The following CYRIA variants were observed in gnomAD, a reference collection of about 807,000 sequenced individuals.
The protein encoded by CYRIA is CYFIP related Rac1 interactor A, also known as CYFIP-related Rac1 interactor A.
In CYRIA, 15 loss-of-function variants were observed where a neutral mutation model predicts 43.9. The ratio of observed to expected loss-of-function variants is 0.34; its 90% CI spans 0.23 to 0.53. The LOEUF is 0.53. CYRIA is among the 20% of genes least tolerant of loss of function. CYRIA has a pLI of 0.94. For synonymous variants in CYRIA, 117 were observed against 136.0 expected (o/e 0.86, Z 0.97); for missense variants, 236 against 394.2 (o/e 0.60, Z 3.40).
intron 2 of CYRIA, among the ~76,000 whole-genome samples, chr2:16,609,755 C>T (rs1260221324): frequency 6.6e-6 from 1 of 152,076 alleles, no homozygotes; most frequent in Non-Finnish European, 1.5e-5. Flanking sequence ...TCTTCCATGA[C>T]TCCCCTGTCA....
intron 2 of CYRIA, among the ~76,000 whole-genome samples, chr2:16,622,037 G>A (rs768060066): frequency 4.6e-5 from 7 of 152,112 alleles, no homozygotes; most frequent in Non-Finnish European, 1.0e-4. Context: ...GGATGACTGG[G>A]TGAATGACTG....
intron 2 of CYRIA, among the ~76,000 whole-genome samples, chr2:16,620,756 C>T (rs1668964623): frequency 6.6e-6 from 1 of 152,200 alleles, no homozygotes; most frequent in South Asian, 2.1e-4. Flanking sequence ...AGACTCACCT[C>T]TCCACATTCC....
At chr2:16,618,800 T>G (rs1447664153) in intron 2 of CYRIA, among the ~76,000 whole-genome samples, 3 of 152,186 alleles carry the variant, frequency 2.0e-5, no homozygotes, top group African/African-American at 4.8e-5. Context: ...AAGGGAAAGA[T>G]GTAGCTTTCC....
chr2:16,606,126 G>C (rs1668388198), intron 2 of CYRIA, among the ~76,000 whole-genome samples: 1 of 152,162 alleles, frequency 6.6e-6, no homozygotes, highest in South Asian at 2.1e-4. Context: ...ATCAATCCAA[G>C]TGAATGTCCC....
At chr2:16,557,086 T>A (rs1399057985) in intron 10 of CYRIA, among the ~76,000 whole-genome samples, 1 of 152,108 alleles carries the variant, frequency 6.6e-6, no homozygotes, top group East Asian at 1.9e-4. Context: ...ATTGGGTCAT[T>A]TCAAAAGATT....
chr2:16,575,416 G>A (rs1043745610), intron 3 of CYRIA, among the ~76,000 whole-genome samples: 6 of 152,080 alleles, frequency 3.9e-5, no homozygotes, highest in Admixed American at 6.5e-5. Context: ...AATATGATTT[G>A]GCTGTGTCCC....
chr2:16,635,192 C>T (rs1558436888), intron 1 of CYRIA, among the ~76,000 whole-genome samples: 1 of 152,172 alleles, frequency 6.6e-6, no homozygotes. Context: ...AGGGATGCTG[C>T]CAAGCATCCT....
intron 3 of CYRIA, among the ~76,000 whole-genome samples, chr2:16,576,840 A>G (rs995269244): frequency 5.9e-5 from 9 of 152,230 alleles, no homozygotes; most frequent in Admixed American, 5.9e-4. Context: ...TCTTAAAAAA[A>G]GAAGGAAATC....
At chr2:16,591,542 T>G (rs998278497) in intron 2 of CYRIA, among the ~76,000 whole-genome samples, 5 of 152,108 alleles carry the variant, frequency 3.3e-5, no homozygotes, top group African/African-American at 4.8e-5. Context: ...GTCTCAGAGC[T>G]CCCATGGGCA....
At chr2:16,579,283 C>A (rs957114340) in intron 3 of CYRIA, among the ~76,000 whole-genome samples, 1 of 150,176 alleles carries the variant, frequency 6.7e-6, no homozygotes, top group African/African-American at 2.5e-5. Context: ...CTAAAAGAAA[C>A]ATTAAAATAA....
intron 1 of CYRIA, among the ~76,000 whole-genome samples, chr2:16,626,050 C>T (rs11897275): frequency 0.17 from 25,727 of 152,006 alleles, 2,645 homozygotes; most frequent in African/African-American, 0.29. Context: ...CATTTACTTA[C>T]TGAGGCTTAC....
chr2:16,611,374 T>C lies in CYRIA; in HGVS notation c.-11+12490A>G, dbSNP rs114690243. Among the ~76,000 whole-genome samples, 361 of 151,988 alleles carry C rather than the reference T, an allele frequency of 2.4e-3. 3 individuals are homozygous for C. Among genetic ancestry groups the C allele is most frequent in the African/African-American group, 8.3e-3 (346 of 41,484 alleles). ...GAGAGACGCCATCTCAAAAAATAAA[T>C]AAATAAATCTGGTAACCAGTCAAAG... On this transcript the variant is annotated intron_variant, in intron 2 of 11. Transcript: ENST00000381323.
chr2:16,661,974 G>A (rs1670267352), intron 1 of CYRIA, among the ~76,000 whole-genome samples: 1 of 152,142 alleles, frequency 6.6e-6, no homozygotes, highest in African/African-American at 2.4e-5. Context: ...AACATGCTCA[G>A]AATAAAAAAT....
At chr2:16,640,084 AAAC>A (rs1669627099) in intron 1 of CYRIA, among the ~76,000 whole-genome samples, 1 of 152,254 alleles carries the variant, frequency 6.6e-6, no homozygotes, top group South Asian at 2.1e-4. Flanking sequence ...TACAGGCTGC[AAAC>A]TGTGTGAATG....
chr2:16,652,950 G>A (rs1670013738), intron 1 of CYRIA, among the ~76,000 whole-genome samples: 1 of 152,160 alleles, frequency 6.6e-6, no homozygotes, highest in Non-Finnish European at 1.5e-5. Flanking sequence ...AAGTTCCAAT[G>A]TTTATTTAAA....
rs13395855 is a variant in CYRIA, at chr2:16,583,622, T to C, written c.70+4428A>G. On this transcript the variant is annotated intron_variant, in intron 3 of 11. Transcript: ENST00000381323. The stretch of plus-strand genomic sequence containing the variant: ...AAGTTGGGTGCCATAATGGTGGGTC[T>C]GGTTGCACAATCTTGAGTAGAACTT... Among the ~76,000 whole-genome samples the C allele has an allele frequency of 3.9e-3, 595 of 152,314 alleles. 7 individuals are homozygous for C. Among genetic ancestry groups the C allele is most frequent in the African/African-American group, 0.013 (560 of 41,572 alleles).
rs912027458 is a variant in CYRIA at position 16,650,709 on chromosome 2, A to C, written c.-167+15071T>G. Among the ~76,000 whole-genome samples, 2 of 152,192 alleles carry C rather than the reference A, an allele frequency of 1.3e-5. No individual in the cohort carries two copies. The highest frequency in any genetic ancestry group is 2.9e-5 in the Non-Finnish European group (2 of 68,030). ...CTGTGACAAGTATCTCAGAATGCCCATTACATGCCTGCAACCGGCACCGGG... is the reference window on the plus strand; with the variant it reads ...CTGTGACAAGTATCTCAGAATGCCCCTTACATGCCTGCAACCGGCACCGGG... On this transcript the variant is annotated intron_variant, in intron 1 of 11. Coordinates refer to ENST00000381323, the MANE Select transcript of CYRIA (RefSeq NM_030797.4). The surrounding 1 kb of genome is among the most constrained non-coding windows in gnomAD (Gnocchi z 4.1).
At chr2:16,657,780 A>G (rs1670156982) in intron 1 of CYRIA, among the ~76,000 whole-genome samples, 1 of 152,200 alleles carries the variant, frequency 6.6e-6, no homozygotes, top group Non-Finnish European at 1.5e-5. Flanking sequence ...TAAGCCATGT[A>G]TTACATACAT....
chr2:16,559,428 A>G, intron 10 of CYRIA, 32 bp downstream of exon 10: 1 of 1,604,494 alleles, frequency 6.2e-7, no homozygotes. Flanking sequence ...ATGGGCCCTT[A>G]TTTGGAAAGC....
Sources: allele counts gnomAD v4.1 joint callset (sites outside exome capture counted in the v4.1 genomes callset), GRCh38; gene constraint gnomAD v4.1.1; non-coding constraint Gnocchi (gnomAD v3.1); transcripts MANE v1.5; gene names NCBI Gene and HGNC (gene_info 2026-07-23, HGNC 2026-07-21).